CC2D2A: variants seen among roughly 807,000 people sequenced by gnomAD.
CC2D2A encodes coiled-coil and C2 domain containing 2A.
A neutral mutation model predicts 212.9 loss-of-function variants in CC2D2A; 155 were observed. That is an observed-to-expected ratio of 0.73 (90% CI 0.64 to 0.83). CC2D2A has a LOEUF of 0.83. CC2D2A is among the 40% of genes least tolerant of loss of function. The probability of loss-of-function intolerance (pLI) is 0.00; values close to 1 mark genes in which losing one functional copy is unlikely to be tolerated. For missense variants in CC2D2A, 1,856 were observed against 1,956.2 expected (o/e 0.95, Z 0.97); for synonymous variants, 667 against 686.5 (o/e 0.97, Z 0.44).
At chr4:15,500,545 C>A (rs1293580636) in intron 4 of CC2D2A, among the ~76,000 whole-genome samples, 2 of 152,118 alleles carry the variant, frequency 1.3e-5, no homozygotes, top group Non-Finnish European at 2.9e-5. Context: ...CTAATCATTA[C>A]CATAAATATT....
intron 4 of CC2D2A, among the ~76,000 whole-genome samples, chr4:15,490,669 G>A (rs781514495): frequency 2.6e-5 from 4 of 152,090 alleles, no homozygotes; most frequent in Non-Finnish European, 2.9e-5. Flanking sequence ...ATTCCTAGTG[G>A]TAGTAAGGGA....
intron 30 of CC2D2A, among the ~76,000 whole-genome samples, chr4:15,584,677 C>T (rs550885166): frequency 2.6e-5 from 4 of 152,080 alleles, no homozygotes; most frequent in Admixed American, 2.6e-4. Context: ...AGCTTCTGCA[C>T]AGCAAAGGAA....
In CC2D2A at chr4:15,580,051, G is replaced by A. The variant is rs778533643; in HGVS notation, c.3855G>A (p.Gln1285=). Residue 1285 remains glutamine (Q), a synonymous_variant, in exon 30 of 37, where the codon CAG becomes CAA. Transcript: ENST00000424120. The part of the protein sequence containing the change: ...AECALKFPNR[Q]CLTTVIDISG... ...GTGCCTTAAAGTTTCCAAATCGTCA[G>A]TGCCTTACAACAGTAATTGATATAA... The A allele has an allele frequency of 3.1e-6, 5 of 1,613,816 alleles. No individual in the cohort carries two copies. The highest frequency in any genetic ancestry group is 1.7e-5 in the Admixed American group (1 of 60,008).
intron 1 of CC2D2A, among the ~76,000 whole-genome samples, chr4:15,470,685 C>A (rs1166491018): frequency 3.0e-4 from 12 of 40,562 alleles, no homozygotes; most frequent in African/African-American, 5.1e-4. Context: ...CTCTCTCTCT[C>A]TCTCTATATA....
At chr4:15,507,083 A>G (rs1259676272) in intron 6 of CC2D2A, among the ~76,000 whole-genome samples, 1 of 152,018 alleles carries the variant, frequency 6.6e-6, no homozygotes, top group Admixed American at 6.6e-5. Context: ...ATCTCAAAAA[A>G]AAAAAAAGAA....
At chr4:15,506,893 GA>G (rs1195720414) in intron 6 of CC2D2A, among the ~76,000 whole-genome samples, 9 of 151,508 alleles carry the variant, frequency 5.9e-5, no homozygotes, top group Non-Finnish European at 1.3e-4. Context: ...CCAACATAGT[GA>G]AACCCCATCT....
At chr4:15,517,863 G>A (rs992376245) in intron 11 of CC2D2A, among the ~76,000 whole-genome samples, 3 of 152,196 alleles carry the variant, frequency 2.0e-5, no homozygotes, top group Admixed American at 6.5e-5. Context: ...AGCAAGTCAC[G>A]TCTTACATGG....
rs547800579 is a variant in CC2D2A at position 15,548,647 on chromosome 4, C to T, written c.2182-2177C>T. 3.4e-4 allele frequency among the ~76,000 whole-genome samples: 52 copies of T among 151,890 alleles called. No individual in the cohort carries two copies. In the South Asian group the frequency reaches 0.01, roughly 30 times the overall value. Reference sequence around the variant, plus strand: ...ACATCATTTTCTTGGGAAAAGACTTCATGCCAATGAGTTTGTAATTTAAGA... The same window carrying T: ...ACATCATTTTCTTGGGAAAAGACTTTATGCCAATGAGTTTGTAATTTAAGA... On this transcript the variant is annotated intron_variant, in intron 17 of 36. Transcript: ENST00000424120.
chr4:15,492,963 C>T, intron 4 of CC2D2A: 1 of 483,690 alleles, frequency 2.1e-6, no homozygotes, highest in East Asian at 5.5e-5. Context: ...TTTTTGATGT[C>T]ATCATATTTG....
At position 15,568,744 on chromosome 4, in the gene CC2D2A, G is replaced by A. The variant is rs537676791; in HGVS notation, c.3399-549G>A. 4.6e-5 allele frequency among the ~76,000 whole-genome samples: 7 copies of A among 152,260 alleles called. No homozygotes were observed. In the South Asian group the frequency reaches 6.2e-4, roughly 14 times the overall value. ...CACCAGCCCTGCCATGCAGAGGCAC[G>A]GTTGCTCCAGGCTTAGCTAGACTCA... On this transcript the variant is annotated intron_variant, in intron 26 of 36. Coordinates refer to ENST00000424120, the MANE Select transcript of CC2D2A (RefSeq NM_001378615.1).
chr4:15,488,286 C>G (rs994331933), intron 4 of CC2D2A, among the ~76,000 whole-genome samples: 1 of 152,054 alleles, frequency 6.6e-6, no homozygotes. Flanking sequence ...CTTGAAAAGT[C>G]TTTATTTCTC....
chr4:15,575,035 G>T (rs898720106), intron 29 of CC2D2A, among the ~76,000 whole-genome samples: 1 of 152,220 alleles, frequency 6.6e-6, no homozygotes, highest in African/African-American at 2.4e-5. Flanking sequence ...AGGCATAAAT[G>T]TGTTAAGAAA....
At chr4:15,475,096 A>G (rs535068112) in intron 1 of CC2D2A, among the ~76,000 whole-genome samples, 1 of 152,294 alleles carries the variant, frequency 6.6e-6, no homozygotes, top group East Asian at 1.9e-4. Context: ...CAACATGGTG[A>G]AACCCTGTCT....
At chr4:15,582,964 A>T (rs987910011) in intron 30 of CC2D2A, among the ~76,000 whole-genome samples, 6 of 152,208 alleles carry the variant, frequency 3.9e-5, no homozygotes, top group Non-Finnish European at 8.8e-5. Flanking sequence ...AACAAAATTC[A>T]ATAATATATT....
chr4:15,586,803 T>C (rs1427943575), intron 31 of CC2D2A, among the ~76,000 whole-genome samples: 1 of 152,224 alleles, frequency 6.6e-6, no homozygotes, highest in Non-Finnish European at 1.5e-5. Context: ...AGGTATTAAT[T>C]CTACTTCTGG....
In CC2D2A at chr4:15,570,479, A is replaced by G. The variant is rs188891842; in HGVS notation, c.3577A>G (p.Ile1193Val). Residue 1193 changes from isoleucine to valine, a missense_variant, in exon 28 of 37, where the codon ATA becomes GTA. Ile to Val is a conservative substitution (Grantham distance 29, BLOSUM62 3). Coordinates refer to ENST00000424120, the MANE Select transcript of CC2D2A (RefSeq NM_001378615.1). ...ATGTGTGAAAATGCCATTTAGCACA[A>G]TATATTTCCAAGCAAGGGTAAGTAT... ...LGCVKMPFSTIYFQARIDGTF... is the reference protein window; with the variant it reads ...LGCVKMPFSTVYFQARIDGTF... 9.4e-5 allele frequency: 151 copies of G among 1,602,522 alleles called. No homozygotes were observed. In the African/African-American group the frequency reaches 1.7e-3, roughly 18 times the overall value.
At chr4:15,530,450 A>T (rs542057226) in intron 13 of CC2D2A, among the ~76,000 whole-genome samples, 4 of 152,284 alleles carry the variant, frequency 2.6e-5, no homozygotes, top group Admixed American at 1.3e-4. Flanking sequence ...TTGTGAGAAT[A>T]ATTTTTGTTT....
rs141346888 is a variant in CC2D2A, at chr4:15,530,207, G to A, written c.1466+1481G>A. Among the ~76,000 whole-genome samples the A allele has an allele frequency of 2.2e-3, 339 of 152,196 alleles. 4 individuals are homozygous for A. Among genetic ancestry groups the A allele is most frequent in the South Asian group, 0.017 (80 of 4,824 alleles). On this transcript the variant is annotated intron_variant, in intron 13 of 36. Transcript: ENST00000424120. ...AAGATGGTCTAGATCTCCTGACCTCGTGATCTGCCCGCCTTGGCCTCCCAA... is the reference window on the plus strand; with the variant it reads ...AAGATGGTCTAGATCTCCTGACCTCATGATCTGCCCGCCTTGGCCTCCCAA...
At chr4:15,582,602 CAAAT>C (rs1375078254) in intron 30 of CC2D2A, among the ~76,000 whole-genome samples, 1 of 151,978 alleles carries the variant, frequency 6.6e-6, no homozygotes, top group Non-Finnish European at 1.5e-5. Flanking sequence ...TTGGAAGAAA[CAAAT>C]AAATTCATGA....
Sources: gnomAD v4.1 joint callset for allele counts (sites outside exome capture counted in the v4.1 genomes callset) on GRCh38, gnomAD v4.1.1 for gene constraint, MANE v1.5 for transcripts, NCBI Gene and HGNC (gene_info 2026-07-23, HGNC 2026-07-21) for gene names.